ETV1: variants seen among roughly 807,000 people sequenced by gnomAD.
The protein encoded by ETV1 is ETS variant transcription factor 1.
A neutral mutation model predicts 62.3 loss-of-function variants in ETV1; 27 were observed. The observed-to-expected ratio is 0.43, with a 90% CI of 0.32 to 0.60. The LOEUF is 0.60. Ranked by LOEUF, ETV1 falls within the 20% of genes least tolerant of loss-of-function variation. The pLI, the probability that ETV1 is intolerant of heterozygous loss-of-function variation, is 0.06. For missense variants in ETV1, 605 were observed against 605.8 expected (o/e 1.00, Z 0.01); for synonymous variants, 222 against 199.6 (o/e 1.11, Z -0.94).
chr7:13,975,528 A>C (rs1326765944), intron 6 of ETV1, among the ~76,000 whole-genome samples: 1 of 149,510 alleles, frequency 6.7e-6, no homozygotes, highest in East Asian at 2.0e-4. Context: ...GCACCACTGC[A>C]CTAGAGCCTG....
intron 7 of ETV1, among the ~76,000 whole-genome samples, chr7:13,938,679 G>C (rs890641484): frequency 2.6e-5 from 4 of 152,296 alleles, no homozygotes; most frequent in African/African-American, 9.6e-5. Flanking sequence ...TGAAATTCCA[G>C]TTTTATTGCA....
intron 11 of ETV1, chr7:13,907,963 C>G (rs922857902): frequency 2.8e-6 from 1 of 356,738 alleles, no homozygotes; most frequent in Non-Finnish European, 5.7e-6. Context: ...ATTTCAATGA[C>G]AGTTTTATTT....
intron 9 of ETV1, among the ~76,000 whole-genome samples, chr7:13,919,815 C>A (rs1316254639): frequency 1.3e-5 from 2 of 152,022 alleles, no homozygotes; most frequent in African/African-American, 4.8e-5. Context: ...TATGTAAACA[C>A]TTTAAAAAAT....
At chr7:13,986,826 C>A in intron 4 of ETV1, 141 bp from the exon 5 acceptor site, 1 of 673,840 alleles carries the variant, frequency 1.5e-6, no homozygotes, top group Non-Finnish European at 2.5e-6. Flanking sequence ...AAAAAAGAGG[C>A]ATAACTTAAA....
chr7:13,918,430 A>C (rs62454578), intron 9 of ETV1, among the ~76,000 whole-genome samples: 22,182 of 152,064 alleles, frequency 0.15, 1,718 homozygotes, highest in Middle Eastern at 0.24. Flanking sequence ...CACATGCACA[A>C]GTATGTTTAT....
chr7:13,939,289 A>C (rs1345620976), intron 6 of ETV1, 43 bp from the exon 7 acceptor site: 1 of 1,566,522 alleles, frequency 6.4e-7, no homozygotes, highest in Admixed American at 1.9e-5. Flanking sequence ...TAAATGCTGT[A>C]GGAATTATGG....
chr7:13,951,396 A>G (rs1788800275), intron 6 of ETV1, among the ~76,000 whole-genome samples: 2 of 152,098 alleles, frequency 1.3e-5, no homozygotes, highest in Admixed American at 1.3e-4. Flanking sequence ...AATCCACTTA[A>G]CCTCTCTGTA....
chr7:13,975,607 G>T (rs951349820), intron 6 of ETV1, among the ~76,000 whole-genome samples: 1 of 130,796 alleles, frequency 7.6e-6, no homozygotes, highest in Admixed American at 7.7e-5. Flanking sequence ...AAAAAGGAAA[G>T]GTTTCGGGAC....
rs749510540 is a variant in ETV1, at chr7:13,931,581, C to G, written c.723G>C (p.Met241Ile). 11 of 1,613,938 alleles carry G rather than the reference C, an allele frequency of 6.8e-6. No homozygotes were observed. In the African/African-American group the frequency reaches 9.3e-5, roughly 14 times the overall value. Residue 241 changes from methionine to isoleucine, a missense_variant, in exon 9 of 14, where the codon ATG (methionine) becomes ATC (isoleucine). Physicochemically the swap from Met to Ile is conservative, Grantham distance 10 (BLOSUM62 1). This residue lies in a region of ETV1 where 426 missense variants were observed against 377.8 expected (regional missense o/e 1.13). Coordinates refer to ENST00000430479, the MANE Select transcript of ETV1 (RefSeq NM_004956.5). ...AGCTTTGGCTGGCCGCACTGCCAAC[C>G]ATGGTGTTGTGTTCATACACTGGGT... ...YHDPVYEHNTMVGSAASQSFP... is the reference protein window; with the variant it reads ...YHDPVYEHNTIVGSAASQSFP...
chr7:13,918,279 C>T (rs1160038618), intron 9 of ETV1, among the ~76,000 whole-genome samples: 7 of 152,108 alleles, frequency 4.6e-5, no homozygotes, highest in Middle Eastern at 3.2e-3. Context: ...ATTTCTAGTT[C>T]TAGATCCCTG....
chr7:13,936,957 G>A (rs916816133), intron 7 of ETV1, among the ~76,000 whole-genome samples: 2 of 152,082 alleles, frequency 1.3e-5, no homozygotes, highest in African/African-American at 2.4e-5. Flanking sequence ...TGAGAGGATC[G>A]CTTGAACTCG....
chr7:13,988,849 A>C, intron 3 of ETV1, 159 bp downstream of exon 3: 1 of 1,591,554 alleles, frequency 6.3e-7, no homozygotes, highest in East Asian at 2.2e-5. Flanking sequence ...CTCATTTTGA[A>C]GACTGGGCTT....
chr7:13,979,870 A>G (rs189462323), intron 5 of ETV1, among the ~76,000 whole-genome samples: 1 of 152,276 alleles, frequency 6.6e-6, no homozygotes, highest in East Asian at 1.9e-4. Flanking sequence ...CAGATTTGCA[A>G]CTTCCTAATA....
chr7:13,975,745 GAA>G (rs2128499092), intron 6 of ETV1, among the ~76,000 whole-genome samples: 1 of 152,028 alleles, frequency 6.6e-6, no homozygotes, highest in East Asian at 1.9e-4. Flanking sequence ...GTGACCTTCA[GAA>G]AAGAGTTCAA....
chr7:13,914,092 C>G, intron 9 of ETV1, among the ~76,000 whole-genome samples: 1 of 151,652 alleles, frequency 6.6e-6, no homozygotes, highest in Non-Finnish European at 1.5e-5. Context: ...ACCATGTTGA[C>G]CAGGCTGGTC....
At chr7:13,955,321 C>T (rs543587863) in intron 6 of ETV1, among the ~76,000 whole-genome samples, 1 of 152,222 alleles carries the variant, frequency 6.6e-6, no homozygotes, top group South Asian at 2.1e-4. Context: ...TTAAGAATCC[C>T]CCCTCAAAAT....
Position 13,988,183 on chromosome 7 carries a change from G to C in ETV1, c.46-10C>G, listed in dbSNP as rs773676354. 6 of 1,588,268 alleles carry C rather than the reference G, an allele frequency of 3.8e-6. No homozygotes were observed. In the Admixed American group the frequency reaches 1.0e-4, roughly 27 times the overall value. On this transcript the variant is annotated splice_polypyrimidine_tract_variant and intron_variant, in intron 3 of 13. Transcript: ENST00000430479. ...TTCTCCCACGCTGACTCTACAAAGG[G>C]AAAGATAAAATCCTTTAAAAGAATG...
chr7:13,909,680 G>T lies in ETV1; in HGVS notation c.892C>A (p.Pro298Thr). 6.2e-7 allele frequency: 1 copy of T among 1,613,080 alleles called. No individual in the cohort carries two copies. The highest frequency in any genetic ancestry group is 8.5e-7 in the Non-Finnish European group (1 of 1,179,328). ...RTEGCMFEKG[P>T]RQFYDDTCVV... ...CAGGTGTCATCATAAAACTGCCTGG[G>T]GCCCTTTTCAAACATACAGCCTGTG... is the stretch of plus-strand genomic sequence containing the variant. Residue 298 changes from proline (P) to threonine (T), a missense_variant, in exon 11 of 14, where the codon CCC (proline) becomes ACC (threonine). Physicochemically the swap from Pro to Thr is conservative, Grantham distance 38 (BLOSUM62 -1). Transcript: ENST00000430479.
intron 5 of ETV1, among the ~76,000 whole-genome samples, chr7:13,980,555 G>A (rs1347649961): frequency 6.6e-6 from 1 of 152,112 alleles, no homozygotes; most frequent in East Asian, 1.9e-4. Flanking sequence ...TAAAGACGAA[G>A]GGGAAGAGGA....
Sources: allele counts gnomAD v4.1 joint callset (sites outside exome capture counted in the v4.1 genomes callset), GRCh38; gene constraint gnomAD v4.1.1; regional missense constraint gnomAD v4.1.1; transcripts MANE v1.5; gene names NCBI Gene and HGNC (gene_info 2026-07-23, HGNC 2026-07-21).